WWOX: variants seen among roughly 807,000 people sequenced by gnomAD.
WWOX encodes WW domain containing oxidoreductase.
WWOX carries 69 observed loss-of-function variants against 46.2 expected under a neutral mutation model. That is an observed-to-expected ratio of 1.49 (90% CI 1.23 to 1.82). The LOEUF is 1.82. Among genes scored for constraint, WWOX ranks in the 40% most tolerant of loss-of-function variants. WWOX has a pLI of 0.00. For synonymous variants in WWOX, 359 were observed against 202.6 expected (o/e 1.77, Z -6.56); for missense variants, 919 against 542.6 (o/e 1.69, Z -6.89).
chr16:78,623,195 T>A (rs893366658), intron 8 of WWOX, among the ~76,000 whole-genome samples: 4 of 151,792 alleles, frequency 2.6e-5, no homozygotes, highest in Non-Finnish European at 5.9e-5. Flanking sequence ...TATGGAAGCT[T>A]TAAGATAATA....
rs573080478 is a variant in WWOX, at chr16:78,141,245, T to A, written c.410-22938T>A. On this transcript the variant is annotated intron_variant, in intron 4 of 8. Coordinates refer to ENST00000566780, the MANE Select transcript of WWOX (RefSeq NM_016373.4). ...GAGCAGGGCTTTGGGTTTGTGATGGTTAAAGTCCATTTCCACTGCGGAGAT... is the reference window on the plus strand; with the variant it reads ...GAGCAGGGCTTTGGGTTTGTGATGGATAAAGTCCATTTCCACTGCGGAGAT... Among the ~76,000 whole-genome samples the A allele has an allele frequency of 1.6e-4, 25 of 152,264 alleles. No homozygotes were observed. The South Asian group carries it at 4.6e-3, about 28-fold the overall frequency.
Position 78,265,477 on chromosome 16 carries a change from G to C in WWOX, c.516+101188G>C, listed in dbSNP as rs573101754. 1.8e-4 allele frequency among the ~76,000 whole-genome samples: 28 copies of C among 151,846 alleles called. No homozygotes were observed. The East Asian group carries it at 4.9e-3, about 27-fold the overall frequency. On this transcript the variant is annotated intron_variant, in intron 5 of 8. Coordinates refer to ENST00000566780, the MANE Select transcript of WWOX (RefSeq NM_016373.4). ...AGGTGGATCATGAGGTCAGGAGTTC[G>C]AGACCAGCCTGACCAACATGGAGAA...
At chr16:78,973,574 A>G (rs1349759413) in intron 8 of WWOX, among the ~76,000 whole-genome samples, 1 of 152,040 alleles carries the variant, frequency 6.6e-6, no homozygotes, top group South Asian at 2.1e-4. Flanking sequence ...GGCAGGGGGC[A>G]CAGTTTTTCT....
At chr16:78,446,710 G>C (rs563235132) in intron 8 of WWOX, among the ~76,000 whole-genome samples, 1 of 139,292 alleles carries the variant, frequency 7.2e-6, no homozygotes, top group African/African-American at 2.7e-5. Flanking sequence ...TCCCAGGCTG[G>C]AATGCAGTGG....
At chr16:78,735,426 C>CCCACAA (rs57609552) in intron 8 of WWOX, among the ~76,000 whole-genome samples, 1 of 150,190 alleles carries the variant, frequency 6.7e-6, no homozygotes, top group African/African-American at 2.5e-5. Context: ...CACACACACA[C>CCCACAA]TAATATGGTT....
intron 8 of WWOX, among the ~76,000 whole-genome samples, chr16:78,524,623 G>T (rs1347810036): frequency 6.6e-6 from 1 of 151,766 alleles, no homozygotes; most frequent in Non-Finnish European, 1.5e-5. Flanking sequence ...GTTTCACCAT[G>T]TTGGCCAAAC....
intron 8 of WWOX, among the ~76,000 whole-genome samples, chr16:78,961,682 G>C (rs1214559056): frequency 6.6e-6 from 1 of 152,104 alleles, no homozygotes; most frequent in Admixed American, 6.6e-5. Context: ...CCCAAGGTGA[G>C]CTTGTTAAAA....
intron 8 of WWOX, among the ~76,000 whole-genome samples, chr16:78,998,429 A>G (rs1380206209): frequency 6.6e-6 from 1 of 152,104 alleles, no homozygotes; most frequent in Non-Finnish European, 1.5e-5. Flanking sequence ...GTGTTTGTAG[A>G]AGGAACTTGG....
intron 8 of WWOX, among the ~76,000 whole-genome samples, chr16:78,831,805 G>A (rs2051833869): frequency 6.6e-6 from 1 of 152,182 alleles, no homozygotes; most frequent in African/African-American, 2.4e-5. Context: ...GCATCTATCT[G>A]TAGCACTGCA....
intron 8 of WWOX, among the ~76,000 whole-genome samples, chr16:78,500,046 A>G (rs1199548101): frequency 6.6e-6 from 1 of 152,204 alleles, no homozygotes. Context: ...GCCTGTGGGA[A>G]AATACAAAAC....
intron 8 of WWOX, among the ~76,000 whole-genome samples, chr16:78,816,461 C>T (rs990272010): frequency 1.4e-5 from 2 of 146,214 alleles, no homozygotes; most frequent in East Asian, 2.0e-4. Context: ...TACTCAAAAT[C>T]CTGCCAATTA....
intron 8 of WWOX, among the ~76,000 whole-genome samples, chr16:78,571,128 G>C (rs554939238): frequency 6.6e-6 from 1 of 152,208 alleles, no homozygotes; most frequent in Non-Finnish European, 1.5e-5. Context: ...TACAGTAGAA[G>C]AGAAATGTAC....
At chr16:78,309,265 G>A (rs58313156) in intron 5 of WWOX, among the ~76,000 whole-genome samples, 4,319 of 152,286 alleles carry the variant, frequency 0.028, 137 homozygotes, top group African/African-American at 0.078. Flanking sequence ...GTGTTTGGTA[G>A]TTTCTCTGCG....
chr16:79,059,270 G>A (rs546258221), intron 8 of WWOX, among the ~76,000 whole-genome samples: 4 of 152,232 alleles, frequency 2.6e-5, no homozygotes, highest in Non-Finnish European at 4.4e-5. Context: ...AAAATACAGC[G>A]TAAAAGACAC....
chr16:78,867,438 C>G (rs995433112), intron 8 of WWOX, among the ~76,000 whole-genome samples: 2 of 151,780 alleles, frequency 1.3e-5, no homozygotes, highest in African/African-American at 4.8e-5. Context: ...ATTATAGTTT[C>G]CAATTGACAG....
intron 4 of WWOX, among the ~76,000 whole-genome samples, chr16:78,150,640 C>A (rs996725445): frequency 1.3e-5 from 2 of 152,122 alleles, no homozygotes; most frequent in Non-Finnish European, 2.9e-5. Flanking sequence ...GCCTCGGCCT[C>A]CCAAAGTGCT....
At chr16:78,662,353 G>C (rs944803988) in intron 8 of WWOX, among the ~76,000 whole-genome samples, 1 of 152,176 alleles carries the variant, frequency 6.6e-6, no homozygotes, top group Non-Finnish European at 1.5e-5. Flanking sequence ...TGGAAAATAA[G>C]AGAGCGCAAT....
intron 8 of WWOX, among the ~76,000 whole-genome samples, chr16:79,141,825 G>A (rs952969307): frequency 2.6e-5 from 4 of 151,998 alleles, no homozygotes; most frequent in African/African-American, 9.7e-5. Context: ...GGGCCAGAAG[G>A]AAGCAGTGTC....
intron 8 of WWOX, among the ~76,000 whole-genome samples, chr16:79,125,501 C>T (rs922780082): frequency 1.3e-5 from 2 of 152,144 alleles, no homozygotes; most frequent in Admixed American, 1.3e-4. Context: ...ATCCAGTACG[C>T]CCAGGCTCAA....
Sources: allele counts gnomAD v4.1 joint callset (sites outside exome capture counted in the v4.1 genomes callset), GRCh38; gene constraint gnomAD v4.1.1; transcripts MANE v1.5; gene names NCBI Gene and HGNC (gene_info 2026-07-23, HGNC 2026-07-21).